The following NPAT variants were observed in gnomAD, a reference collection of about 807,000 sequenced individuals.
NPAT encodes the protein nuclear protein, coactivator of histone transcription, also known as protein NPAT.
NPAT carries 52 observed loss-of-function variants against 130.7 expected under a neutral mutation model. The observed-to-expected ratio is 0.40, with a 90% CI of 0.32 to 0.50. The LOEUF (loss-of-function observed/expected upper bound fraction) is 0.50. Ranked by LOEUF, NPAT falls within the 20% of genes least tolerant of loss-of-function variation. The pLI is 0.68. For synonymous variants in NPAT, 580 were observed against 584.8 expected, an observed-to-expected ratio of 0.99 and a Z score of 0.12; for missense variants, 1,687 against 1,662.6, an observed-to-expected ratio of 1.01 and a Z score of -0.26.
Position 108,206,330 on chromosome 11 carries a change from G to A in NPAT, c.38-8910C>T, listed in dbSNP as rs116049622. Among the ~76,000 whole-genome samples the A allele has an allele frequency of 2.6e-3, 391 of 152,316 alleles. 2 individuals are homozygous for A. Among genetic ancestry groups the A allele is most frequent in the African/African-American group, 9.1e-3 (378 of 41,570 alleles). The stretch of plus-strand genomic sequence containing the variant: ...TTGTTCCGCCCACTTGGCCAAGCAG[G>A]CTGTGTTTGGCTCATGCTACTGGGC... On this transcript the variant is annotated intron_variant, in intron 1 of 17. Coordinates refer to ENST00000278612, the MANE Select transcript of NPAT (RefSeq NM_002519.3).
At chr11:108,171,451 C>A (rs1016003190) in intron 13 of NPAT, 2 of 149,500 alleles carry the variant, frequency 1.3e-5, no homozygotes, top group Non-Finnish European at 3.0e-5. Flanking sequence ...AGACAGAGAT[C>A]AATTAGAAAG....
chr11:108,186,367 A>G (rs931750532), intron 8 of NPAT, 115 bp downstream of exon 8: 1 of 785,130 alleles, frequency 1.3e-6, no homozygotes, highest in Non-Finnish European at 2.2e-6. Flanking sequence ...AGATATCTAT[A>G]AACTTACTCC....
chr11:108,213,467 G>A (rs1032886267), intron 1 of NPAT, among the ~76,000 whole-genome samples: 1 of 152,142 alleles, frequency 6.6e-6, no homozygotes, highest in Non-Finnish European at 1.5e-5. Flanking sequence ...TAAAGGACTT[G>A]CATACTAAAA....
At chr11:108,176,479 G>C (rs887883008) in intron 11 of NPAT, 105 bp from the exon 12 acceptor site, 1 of 847,600 alleles carries the variant, frequency 1.2e-6, no homozygotes, top group African/African-American at 1.7e-5. Context: ...TTCGATTTAG[G>C]GTTTTATGGA....
Position 108,199,248 on chromosome 11 carries a change from C to T in NPAT, c.38-1828G>A, listed in dbSNP as rs186272274. 7.2e-4 allele frequency among the ~76,000 whole-genome samples: 110 copies of T among 152,326 alleles called. 1 individual carries two copies. The highest frequency in any genetic ancestry group is 2.5e-3 in the African/African-American group (102 of 41,570). ...AGTTTTTGGGCGCTGCTGTGTCACC[C>T]TCACCCAGACGCCGGCTCCCAAGGT... On this transcript the variant is annotated intron_variant, in intron 1 of 17. Transcript: ENST00000278612.
intron 1 of NPAT, among the ~76,000 whole-genome samples, chr11:108,209,885 T>C (rs1591417341): frequency 2.7e-5 from 1 of 36,916 alleles, no homozygotes; most frequent in African/African-American, 1.4e-4. Context: ...TGAGACTTCA[T>C]CTCAAAAAAA....
chr11:108,184,195 G>C lies in NPAT; in HGVS notation c.906+1037C>G, dbSNP rs11212543. Among the ~76,000 whole-genome samples, 394 of 151,914 alleles carry C rather than the reference G, an allele frequency of 2.6e-3. 2 individuals are homozygous for C. Among genetic ancestry groups the C allele is most frequent in the African/African-American group, 9.2e-3 (381 of 41,408 alleles). On this transcript the variant is annotated intron_variant, in intron 10 of 17. Transcript: ENST00000278612. ...AAAGGTCTTGCTCATTTTATTGGCC[G>C]GGCACGGTGGCTCACACCTGTAATC...
chr11:108,159,070 TTCTTA>T, intron 17 of NPAT, 51 bp from the exon 18 acceptor site: 1 of 1,200,744 alleles, frequency 8.3e-7, no homozygotes, highest in African/African-American at 1.5e-5. Flanking sequence ...CCAAAATGCT[TTCTTA>T]GTAAGTCACC....
intron 12 of NPAT, among the ~76,000 whole-genome samples, chr11:108,175,515 G>A (rs1415212093): frequency 6.6e-6 from 1 of 152,142 alleles, no homozygotes; most frequent in Non-Finnish European, 1.5e-5. Context: ...CTCAGAAAAC[G>A]GAATTTCAAG....
In NPAT at chr11:108,161,631, G is replaced by A. The variant is rs1295864640; in HGVS notation, c.3455C>T (p.Pro1152Leu). The A allele has an allele frequency of 6.2e-7, 1 of 1,613,982 alleles. No individual in the cohort carries two copies. Among genetic ancestry groups the A allele is most frequent in the Admixed American group, 1.7e-5 (1 of 60,008 alleles). ...GAAAGATTCAAGCACAATTTCTGTT[G>A]GTGAAACTTTCTTTTCTGATTGAGT... Reference protein sequence around the residue: ...RETQSEKKVSPTEIVLESFHK... With the variant: ...RETQSEKKVSLTEIVLESFHK... The change falls in exon 17 of 18, where the codon CCA becomes CTA. Residue 1152 changes from proline (P) to leucine (L), a missense_variant. Physicochemically the swap from Pro to Leu is moderately conservative, Grantham distance 98. Coordinates refer to ENST00000278612, the MANE Select transcript of NPAT (RefSeq NM_002519.3).
intron 1 of NPAT, chr11:108,208,585 C>CT (rs1307984461): frequency 5.2e-5 from 13 of 252,008 alleles, no homozygotes; most frequent in East Asian, 3.7e-4. Flanking sequence ...GAGACCCTGT[C>CT]TTTAAAAAAA....
chr11:108,218,178 A>T (rs1300481707), intron 1 of NPAT, among the ~76,000 whole-genome samples: 3 of 152,194 alleles, frequency 2.0e-5, no homozygotes, highest in Non-Finnish European at 4.4e-5. Context: ...GTCCCCGAAT[A>T]GGTAAGAAAG....
chr11:108,170,745 G>C (rs1368412312), intron 13 of NPAT, among the ~76,000 whole-genome samples: 1 of 152,120 alleles, frequency 6.6e-6, no homozygotes, highest in Non-Finnish European at 1.5e-5. Flanking sequence ...ATAACTTACA[G>C]ATTTTATAAG....
rs759332472 is a variant in NPAT at position 108,173,706 on chromosome 11, C to T, written c.1278G>A (p.Lys426=). 1 of 1,614,084 alleles carries T rather than the reference C, an allele frequency of 6.2e-7. No individual in the cohort carries two copies. The highest frequency in any genetic ancestry group is 1.6e-4 in the Middle Eastern group (1 of 6,062). ...FSQISTSIQK[K]AFKTAVPTEQ... is the part of the protein sequence containing the mutation. ...CAGTGGGTACAGCTGTTTTAAAGGC[C>T]TTTTTCTGTATGCTGGTACTTATTT... is the stretch of plus-strand genomic sequence containing the variant. The change falls in exon 13 of 18, where the codon AAG becomes AAA. Residue 426 remains lysine (K), a synonymous_variant. Coordinates refer to ENST00000278612, the MANE Select transcript of NPAT (RefSeq NM_002519.3).
chr11:108,172,257 T>C lies in NPAT; in HGVS notation c.2727A>G (p.Pro909=), dbSNP rs1354980297. The C allele has an allele frequency of 6.2e-7, 1 of 1,613,870 alleles. No individual in the cohort carries two copies. Among genetic ancestry groups the C allele is most frequent in the East Asian group, 2.2e-5 (1 of 44,876 alleles). The change falls in exon 13 of 18, where the codon CCA becomes CCG. Residue 909 remains proline, a synonymous_variant. Transcript: ENST00000278612. ...AQPLPPQLQT[P]PRSNSVFAVN... is the part of the protein sequence containing the mutation. ...CAGCAAATACACTGTTTGACCTTGG[T>C]GGTGTCTGTAACTGAGGTGGTAGAG...
intron 1 of NPAT, among the ~76,000 whole-genome samples, chr11:108,207,966 G>T (rs11212551): frequency 0.55 from 83,234 of 152,094 alleles, 23,225 homozygotes; most frequent in Middle Eastern, 0.74. Flanking sequence ...TAGGAAAGAT[G>T]ACTGGATTAC....
At chr11:108,211,986 A>T (rs1372178271) in intron 1 of NPAT, among the ~76,000 whole-genome samples, 1 of 152,142 alleles carries the variant, frequency 6.6e-6, no homozygotes, top group Admixed American at 6.5e-5. Context: ...TCTACCAAAG[A>T]AACCAAAAAA....
At chr11:108,189,405 C>T in intron 5 of NPAT, 75 bp from the exon 6 acceptor site, 1 of 1,214,918 alleles carries the variant, frequency 8.2e-7, no homozygotes, top group Non-Finnish European at 1.2e-6. Flanking sequence ...CAATATGATG[C>T]AACCTATTAT....
chr11:108,187,708 T>C (rs1026564424), intron 7 of NPAT, among the ~76,000 whole-genome samples: 9 of 152,170 alleles, frequency 5.9e-5, no homozygotes, highest in East Asian at 5.8e-4. Flanking sequence ...TTCTCAAAGA[T>C]TGTGCCTGGA....
Sources: gnomAD v4.1 joint callset for allele counts (sites outside exome capture counted in the v4.1 genomes callset) on GRCh38, gnomAD v4.1.1 for gene constraint, MANE v1.5 for transcripts, NCBI Gene and HGNC (gene_info 2026-07-23, HGNC 2026-07-21) for gene names.